AGO3: variants seen among roughly 807,000 people sequenced by gnomAD.
AGO3 encodes protein argonaute-3.
In AGO3, 16 loss-of-function variants were observed where a neutral mutation model predicts 105.5. That is an observed-to-expected ratio of 0.15 (90% CI 0.10 to 0.23). The LOEUF is 0.23. AGO3 is among the 10% of genes least tolerant of loss of function. The pLI is 1.00. For missense variants in AGO3, 534 were observed against 1,088.0 expected (o/e 0.49, Z 7.16); for synonymous variants, 340 against 367.3 (o/e 0.93, Z 0.85).
chr1:35,978,239 G>T (rs751471313), intron 5 of AGO3, among the ~76,000 whole-genome samples: 2 of 152,152 alleles, frequency 1.3e-5, no homozygotes, highest in Non-Finnish European at 2.9e-5. Flanking sequence ...ACCCAGGCTG[G>T]AGTGTAGTGG....
intron 17 of AGO3, among the ~76,000 whole-genome samples, chr1:36,047,199 C>A (rs1001418066): frequency 6.6e-6 from 1 of 151,814 alleles, no homozygotes; most frequent in Non-Finnish European, 1.5e-5. Context: ...GCCGAGATCA[C>A]GCCACTGCAC....
In AGO3 at chr1:36,055,857, C is replaced by A; in HGVS notation, c.*112C>A. 1 of 984,236 alleles carries A rather than the reference C, an allele frequency of 1.0e-6. No homozygotes were observed. Among genetic ancestry groups the A allele is most frequent in the Non-Finnish European group, 1.5e-6 (1 of 653,112 alleles). 61.0% of individuals were successfully genotyped at this position (984,236 alleles called of 1,614,324 possible). On this transcript the variant is annotated 3_prime_UTR_variant, in exon 19 of 19. Transcript: ENST00000373191. This position sits in a 1 kb window ranked among gnomAD's most constrained non-coding sequence, Gnocchi z 4.4. ...ACACCTCCAGCCATACAGAAACCAA[C>A]ACTGTGTGGGGGCCAAGGTCTGATC...
intron 1 of AGO3, among the ~76,000 whole-genome samples, chr1:35,935,892 T>C (rs1646138355): frequency 1.3e-5 from 2 of 152,266 alleles, no homozygotes; most frequent in Non-Finnish European, 2.9e-5. Flanking sequence ...TATAAGTTTT[T>C]GTTGTTGCTA....
chr1:35,981,317 A>G (rs1647049321), intron 5 of AGO3, among the ~76,000 whole-genome samples: 1 of 152,286 alleles, frequency 6.6e-6, no homozygotes, highest in East Asian at 1.9e-4. Flanking sequence ...GAAGGGACTT[A>G]AGGGTGTTAG....
chr1:36,000,025 C>T (rs1426811035), intron 5 of AGO3, among the ~76,000 whole-genome samples: 1 of 151,964 alleles, frequency 6.6e-6, no homozygotes, highest in Non-Finnish European at 1.5e-5. Flanking sequence ...AGAGTATTTG[C>T]TTCAGTGCTG....
intron 5 of AGO3, among the ~76,000 whole-genome samples, chr1:35,979,744 T>C (rs1282582411): frequency 6.6e-6 from 1 of 152,222 alleles, no homozygotes; most frequent in African/African-American, 2.4e-5. Flanking sequence ...TTTGTACTTT[T>C]TGACCAAAAT....
intron 12 of AGO3, among the ~76,000 whole-genome samples, chr1:36,029,033 T>C (rs1641645563): frequency 6.6e-6 from 1 of 152,154 alleles, no homozygotes; most frequent in South Asian, 2.1e-4. Context: ...TTTCCTCTTT[T>C]AGTGTATCAG....
intron 5 of AGO3, among the ~76,000 whole-genome samples, chr1:35,995,521 G>A (rs7542179): frequency 0.23 from 35,159 of 151,874 alleles, 6,695 homozygotes; most frequent in East Asian, 0.69. Context: ...AGTCTTCTCA[G>A]TAAATGATGT....
chr1:35,982,539 GAA>G, intron 5 of AGO3: 1 of 628,778 alleles, frequency 1.6e-6, no homozygotes, highest in Non-Finnish European at 2.9e-6. Flanking sequence ...AATGAAATAG[GAA>G]AACTTCTCTC....
intron 3 of AGO3, among the ~76,000 whole-genome samples, chr1:35,969,711 A>G (rs1450526731): frequency 6.6e-6 from 1 of 152,156 alleles, no homozygotes; most frequent in Non-Finnish European, 1.5e-5. Flanking sequence ...TCATTGTGCT[A>G]TCATCACAGT....
In AGO3 at chr1:36,067,540, T is replaced by G. The variant is rs776189886; in HGVS notation, c.*11795T>G. ...GTGGCCAATATGGTGAAACCCTGTCTCTACTAAAAATACAAAATTAGCTAG... is the reference window on the plus strand; with the variant it reads ...GTGGCCAATATGGTGAAACCCTGTCGCTACTAAAAATACAAAATTAGCTAG... On this transcript the variant is annotated 3_prime_UTR_variant, in exon 19 of 19. Coordinates refer to ENST00000373191, the MANE Select transcript of AGO3 (RefSeq NM_024852.4). 1 of 152,216 alleles carries G rather than the reference T, an allele frequency of 6.6e-6. No homozygotes were observed. Among genetic ancestry groups the G allele is most frequent in the Non-Finnish European group, 1.5e-5 (1 of 68,052 alleles). The allele number at this position is 152,216 out of a possible 1,614,324, so 9.4% of individuals were successfully genotyped here. A position where few individuals can be genotyped will look rare whatever the true frequency, so the allele number is the denominator to read the frequency against.
rs1236684102 is a variant in AGO3 at position 36,015,850 on chromosome 1, T to TCC, written c.1406+1802_1406+1803insCC. 3.9e-5 allele frequency among the ~76,000 whole-genome samples: 6 copies of TCC among 152,354 alleles called. No individual in the cohort carries two copies. In the East Asian group the frequency reaches 1.2e-3, roughly 29 times the overall value. ...CACCTTTGTAAAATAGAGCTAATCA[T>TCC]ATCTTCTGTTAAAATAAAAACTTCA... On this transcript the variant is annotated intron_variant, in intron 11 of 18. Transcript: ENST00000373191.
At chr1:35,992,458 T>C (rs1647759189) in intron 5 of AGO3, 1 of 152,264 alleles carries the variant, frequency 6.6e-6, no homozygotes, top group African/African-American at 2.4e-5. Context: ...GCTTTTCATC[T>C]TTCAGAATGT....
At chr1:36,010,959 AAGAG>A (rs909287432) in intron 9 of AGO3, among the ~76,000 whole-genome samples, 2 of 151,988 alleles carry the variant, frequency 1.3e-5, no homozygotes, top group Non-Finnish European at 2.9e-5. Context: ...GAAAGAGAAA[AAGAG>A]AGAGAAAGAA....
chr1:36,045,437 GTGTCGAAC>G (rs1389933731), intron 17 of AGO3, among the ~76,000 whole-genome samples: 2 of 151,922 alleles, frequency 1.3e-5, no homozygotes, highest in Non-Finnish European at 2.9e-5. Flanking sequence ...GGCCAGGCTG[GTGTCGAAC>G]TCCTGACCTC....
chr1:35,959,905 T>C (rs912506620), intron 2 of AGO3, among the ~76,000 whole-genome samples: 1 of 152,004 alleles, frequency 6.6e-6, no homozygotes, highest in African/African-American at 2.4e-5. Context: ...ATTATACATA[T>C]TTGTTTTTTT....
At chr1:35,945,411 C>T (rs1646345253) in intron 1 of AGO3, among the ~76,000 whole-genome samples, 1 of 152,062 alleles carries the variant, frequency 6.6e-6, no homozygotes, top group South Asian at 2.1e-4. Flanking sequence ...TTAGGTCTGA[C>T]TTGTGCTTGC....
intron 17 of AGO3, among the ~76,000 whole-genome samples, chr1:36,046,497 G>A (rs960865542): frequency 6.6e-6 from 1 of 151,842 alleles, no homozygotes; most frequent in Non-Finnish European, 1.5e-5. Context: ...TTTGAGAACA[G>A]CCTGGCCAAC....
chr1:35,996,928 CAA>C (rs1392455100), intron 5 of AGO3, among the ~76,000 whole-genome samples: 1 of 152,026 alleles, frequency 6.6e-6, no homozygotes, highest in East Asian at 1.9e-4. Context: ...CAAATGTTGA[CAA>C]AGATTTGGAG....
Sources: allele counts gnomAD v4.1 joint callset (sites outside exome capture counted in the v4.1 genomes callset), GRCh38; gene constraint gnomAD v4.1.1; non-coding constraint Gnocchi (gnomAD v3.1); transcripts MANE v1.5; gene names NCBI Gene and HGNC (gene_info 2026-07-23, HGNC 2026-07-21).